Variants in NOP53 observed in about 807,000 individuals in gnomAD.
NOP53 encodes NOP53 ribosome biogenesis factor, also known as ribosome biogenesis protein NOP53.
A neutral mutation model predicts 61.0 loss-of-function variants in NOP53; 40 were observed. The observed-to-expected ratio is 0.66, with a 90% CI of 0.51 to 0.85. NOP53 has a LOEUF of 0.85. NOP53 is among the 40% of genes least tolerant of loss of function. NOP53 has a pLI of 0.00. For synonymous variants in NOP53, 308 were observed against 289.5 expected, an observed-to-expected ratio of 1.06 and a Z score of -0.65; for missense variants, 689 against 652.9, an observed-to-expected ratio of 1.06 and a Z score of -0.60.
At chr19:47,745,882 GT>G (rs1967056714) in intron 1 of NOP53, 99 bp downstream of exon 1, 1 of 277,154 alleles carries the variant, frequency 3.6e-6, no homozygotes, top group Non-Finnish European at 7.2e-6. Context: ...GGGGTCGGGG[GT>G]CGGGGGTTGG....
rs771411047 is a variant in NOP53 at position 47,756,735 on chromosome 19, G to A, written c.1421G>A (p.Arg474His). The A allele has an allele frequency of 2.9e-5, 46 of 1,613,248 alleles. No individual in the cohort carries two copies. In the Admixed American group the frequency reaches 3.3e-4, roughly 12 times the overall value. The change falls in exon 12 of 13, where the codon CGT becomes CAT. Residue 474 changes from arginine (R) to histidine (H), a missense_variant. Transcript: ENST00000246802. ...AAGCTGGTGGAGAAGCGGGCGTTCCGTGAGATCCAGTGAGTCCACCCGGCT... is the reference window on the plus strand; with the variant it reads ...AAGCTGGTGGAGAAGCGGGCGTTCCATGAGATCCAGTGAGTCCACCCGGCT... The part of the protein sequence containing the change: ...KVKLVEKRAF[R>H]EIQL
Position 47,754,270 on chromosome 19 carries a change from T to A in NOP53, c.766-257T>A. 7 of 470,780 alleles carry A rather than the reference T, an allele frequency of 1.5e-5. No individual in the cohort carries two copies. The highest frequency in any genetic ancestry group is 2.3e-5 in the Non-Finnish European group (6 of 262,190). 29.2% of individuals were successfully genotyped at this position (470,780 alleles called of 1,614,324 possible). ...CCAGTCTGGGCAACAAGACAGAAAC[T>A]CTATCTCAAAAAAAAAATGTGAAGC... On this transcript the variant is annotated intron_variant, in intron 6 of 12. Transcript: ENST00000246802. This position sits in a 1 kb window ranked among gnomAD's most constrained non-coding sequence, Gnocchi z 4.2.
chr19:47,748,527 C>T (rs887423198), intron 2 of NOP53, among the ~76,000 whole-genome samples: 1 of 152,010 alleles, frequency 6.6e-6, no homozygotes, highest in African/African-American at 2.4e-5. Context: ...AATGAGCGGA[C>T]CTGGTTCAGT....
At chr19:47,752,411 C>A in intron 5 of NOP53, 101 bp from the exon 6 acceptor site, 1 of 739,794 alleles carries the variant, frequency 1.4e-6, no homozygotes. Context: ...TTCCCACACC[C>A]AACCACTGGC....
chr19:47,753,675 C>T (rs2123676671), intron 6 of NOP53: 1 of 152,274 alleles, frequency 6.6e-6, no homozygotes, highest in Non-Finnish European at 1.5e-5. Flanking sequence ...CCGCTCACTG[C>T]CATCTGTTCC....
Position 47,755,949 on chromosome 19 carries a change from A to G in NOP53, c.1296+127A>G, listed in dbSNP as rs530473873. The G allele has an allele frequency of 8.0e-4, 554 of 694,554 alleles. 2 individuals carry two copies. In the East Asian group the frequency reaches 0.014, roughly 18 times the overall value. 43.0% of individuals were successfully genotyped at this position (694,554 alleles called of 1,614,324 possible). On this transcript the variant is annotated intron_variant, in intron 10 of 12. Coordinates refer to ENST00000246802, the MANE Select transcript of NOP53 (RefSeq NM_015710.5). The stretch of plus-strand genomic sequence containing the variant: ...GGCTGGGCCAGTGGGGCCAATGCCC[A>G]GGGGCTGAGGGCACGGGATGCTGGG...
chr19:47,756,055 T>C (rs1967193841), intron 10 of NOP53: 1 of 579,980 alleles, frequency 1.7e-6, no homozygotes, highest in Admixed American at 3.0e-5. Context: ...TGGTCCCTGT[T>C]GCAGTCCCGG....
intron 10 of NOP53, 190 bp from the exon 11 acceptor site, chr19:47,756,338 T>A: frequency 1.7e-6 from 1 of 596,828 alleles, no homozygotes; most frequent in Non-Finnish European, 3.0e-6. Flanking sequence ...AGCTTAGAGA[T>A]GGCCATAGGT....
At chr19:47,745,820 C>A in intron 1 of NOP53, 37 bp downstream of exon 1, 1 of 1,294,042 alleles carries the variant, frequency 7.7e-7, no homozygotes, top group South Asian at 1.5e-5. Flanking sequence ...TGGGACGGTT[C>A]CTGCGCCCAG....
At position 47,756,457 on chromosome 19, in the gene NOP53, G is replaced by T; in HGVS notation, c.1297-71G>T. On this transcript the variant is annotated intron_variant, in intron 10 of 12. Transcript: ENST00000246802. ...ACTGCATGGGGCTGAGCCCTGCCAG[G>T]ACCCCGAGGAGAGGTCCAGGCCCTT... 2.3e-6 allele frequency: 3 copies of T among 1,279,394 alleles called. No individual in the cohort carries two copies. The South Asian group carries it at 3.7e-5, about 16-fold the overall frequency. The allele number at this position is 1,279,394 out of a possible 1,614,324, so 79.3% of individuals were successfully genotyped here. A position where few individuals can be genotyped will look rare whatever the true frequency, so the allele number is the denominator to read the frequency against.
In NOP53 at chr19:47,750,302, TC is replaced by T; in HGVS notation, c.398+19del. On this transcript the variant is annotated intron_variant, in intron 3 of 12. Transcript: ENST00000246802. ...CCCCCAAAGAGTGAGTGTCCCAGCA[TC>T]CCTGGGCCCTTCTTTCCCACCAGAC... is the stretch of plus-strand genomic sequence containing the variant. 1 of 1,446,150 alleles carries T rather than the reference TC, an allele frequency of 6.9e-7. No homozygotes were observed. Among genetic ancestry groups the T allele is most frequent in the Non-Finnish European group, 9.7e-7 (1 of 1,026,784 alleles). The allele number at this position is 1,446,150 out of a possible 1,614,324, so 89.6% of individuals were successfully genotyped here.
intron 6 of NOP53, 55 bp downstream of exon 6, chr19:47,752,662 C>T: frequency 9.4e-7 from 1 of 1,059,882 alleles, no homozygotes. Flanking sequence ...CTTGGTCAGG[C>T]CTTCACTAGC....
chr19:47,753,668 C>G (rs1185617794), intron 6 of NOP53: 1 of 152,200 alleles, frequency 6.6e-6, no homozygotes, highest in Non-Finnish European at 1.5e-5. Context: ...GAGGGTGCCG[C>G]TCACTGCCAT....
At position 47,746,739 on chromosome 19, in the gene NOP53, G is replaced by T. The variant is rs188553482; in HGVS notation, c.225-228G>T. On this transcript the variant is annotated intron_variant, in intron 1 of 12. Coordinates refer to ENST00000246802, the MANE Select transcript of NOP53 (RefSeq NM_015710.5). ...GCTGCTCTTGAACTCCTGACCTCAG[G>T]TGAGCCACCCGCCTGGGCCTCCCAA... 7 of 418,258 alleles carry T rather than the reference G, an allele frequency of 1.7e-5. No individual in the cohort carries two copies. In the Admixed American group the frequency reaches 2.9e-4, roughly 18 times the overall value. The allele number at this position is 418,258 out of a possible 1,614,324, so 25.9% of individuals were successfully genotyped here.
Position 47,755,364 on chromosome 19 carries a change from C to CG in NOP53, c.1071dup (p.Leu358ValfsTer42). On this transcript the variant is annotated frameshift_variant, in exon 9 of 13. Coordinates refer to ENST00000246802, the MANE Select transcript of NOP53 (RefSeq NM_015710.5). LOFTEE classifies it high-confidence loss of function. ...TCTCCACAGCGGGTACAGCAGGCCG[C>CG]GTTGCGGGCCGCCCGGCTCCGGCAC... 1 of 1,516,082 alleles carries CG rather than the reference C, an allele frequency of 6.6e-7. No homozygotes were observed. The highest frequency in any genetic ancestry group is 8.8e-7 in the Non-Finnish European group (1 of 1,138,490). 93.9% of individuals were successfully genotyped at this position (1,516,082 alleles called of 1,614,324 possible).
intron 6 of NOP53, chr19:47,753,067 C>G (rs1173638249): frequency 3.1e-5 from 5 of 161,934 alleles, no homozygotes; most frequent in African/African-American, 2.4e-5. Context: ...GAGGCTAGCT[C>G]AGCGATGGGA....
Position 47,754,761 on chromosome 19 carries a change from A to T in NOP53, c.923A>T (p.Glu308Val). ...GGGCTGCTGGAGGAGTCGGATGGTG[A>T]GGGGGAGCCAGGCCAGGGCGAGGGG... The part of the protein sequence containing the change: ...CEGLLEESDG[E>V]GEPGQGEGPE... The change falls in exon 8 of 13, where the codon GAG becomes GTG. Residue 308 changes from glutamate (E) to valine (V), a missense_variant. Coordinates refer to ENST00000246802, the MANE Select transcript of NOP53 (RefSeq NM_015710.5). This position sits in a 1 kb window ranked among gnomAD's most constrained non-coding sequence, Gnocchi z 4.2. 1 of 1,526,942 alleles carries T rather than the reference A, an allele frequency of 6.5e-7. No individual in the cohort carries two copies. Among genetic ancestry groups the T allele is most frequent in the Non-Finnish European group, 8.8e-7 (1 of 1,133,908 alleles). 94.6% of individuals were successfully genotyped at this position (1,526,942 alleles called of 1,614,324 possible).
intron 6 of NOP53, chr19:47,752,899 A>G: frequency 2.6e-6 from 1 of 389,682 alleles, no homozygotes; most frequent in Admixed American, 3.7e-5. Context: ...TTGCAGTGGG[A>G]GGAGGGGAGT....
At chr19:47,752,969 G>A (rs779795805) in intron 6 of NOP53, 12 of 201,724 alleles carry the variant, frequency 5.9e-5, no homozygotes, top group African/African-American at 1.8e-4. Context: ...AGACCGTGGC[G>A]CCTTCCAGGA....
Sources: gnomAD v4.1 joint callset for allele counts (sites outside exome capture counted in the v4.1 genomes callset) on GRCh38, gnomAD v4.1.1 for gene constraint, Gnocchi (gnomAD v3.1) non-coding constraint, MANE v1.5 for transcripts, NCBI Gene and HGNC (gene_info 2026-07-23, HGNC 2026-07-21) for gene names.